AK5: variants seen among roughly 807,000 people sequenced by gnomAD.
AK5 encodes adenylate kinase 5, also known as adenylate kinase isoenzyme 5.
Under a neutral mutation model 69.5 loss-of-function variants are expected in AK5, and 27 were observed. That is an observed-to-expected ratio of 0.39 (90% CI 0.29 to 0.54). AK5 has a LOEUF of 0.54. AK5 is among the 20% of genes least tolerant of loss of function. AK5 has a pLI of 0.71. For missense variants in AK5, 531 were observed against 700.4 expected, an observed-to-expected ratio of 0.76 and a Z score of 2.73; for synonymous variants, 260 against 244.4, an observed-to-expected ratio of 1.06 and a Z score of -0.60.
At chr1:77,459,242 A>G (rs935673993) in intron 8 of AK5, among the ~76,000 whole-genome samples, 3 of 152,172 alleles carry the variant, frequency 2.0e-5, no homozygotes, top group Non-Finnish European at 4.4e-5. Context: ...ATGGCTTCTC[A>G]CTGCCCTTAA....
At chr1:77,298,906 A>T (rs186393913) in intron 5 of AK5, among the ~76,000 whole-genome samples, 3 of 152,178 alleles carry the variant, frequency 2.0e-5, no homozygotes, top group Non-Finnish European at 2.9e-5. Context: ...GTAAAACGTG[A>T]AAGTCCATCA....
chr1:77,325,947 A>G (rs917662804), intron 5 of AK5, among the ~76,000 whole-genome samples: 2 of 152,200 alleles, frequency 1.3e-5, no homozygotes, highest in Non-Finnish European at 2.9e-5. Context: ...ATATTAAACA[A>G]TTAATAAATG....
chr1:77,451,744 T>G (rs532870625), intron 8 of AK5, among the ~76,000 whole-genome samples: 124 of 152,348 alleles, frequency 8.1e-4, no homozygotes, highest in African/African-American at 2.9e-3. Context: ...AACCATGCTT[T>G]TGTATATTCT....
chr1:77,394,683 C>T (rs1235084787), intron 6 of AK5, among the ~76,000 whole-genome samples: 4 of 152,148 alleles, frequency 2.6e-5, no homozygotes, highest in Non-Finnish European at 5.9e-5. Flanking sequence ...ACAGTAATGT[C>T]ACTTTCTCAC....
chr1:77,521,335 T>C (rs1447377245), intron 11 of AK5, among the ~76,000 whole-genome samples: 2 of 152,164 alleles, frequency 1.3e-5, no homozygotes, highest in East Asian at 1.9e-4. Context: ...GGTTTCACCA[T>C]GGTGGCCAGG....
intron 8 of AK5, among the ~76,000 whole-genome samples, chr1:77,469,172 A>G (rs554440038): frequency 1.3e-3 from 196 of 152,320 alleles, no homozygotes; most frequent in African/African-American, 4.6e-3. Context: ...CCACTGATCT[A>G]GGCTGGGCTC....
At chr1:77,324,980 C>CTGTTTTTTTTT (rs775290829) in intron 5 of AK5, among the ~76,000 whole-genome samples, 34 of 139,200 alleles carry the variant, frequency 2.4e-4, no homozygotes, top group Admixed American at 9.6e-4. Context: ...TTACGAGCTA[C>CTGTTTTTTTTT]TTTTTTTTTT....
Position 77,400,933 on chromosome 1 carries a change from T to A in AK5, c.892-10048T>A, listed in dbSNP as rs1011130534. Among the ~76,000 whole-genome samples, 135 of 115,298 alleles carry A rather than the reference T, an allele frequency of 1.2e-3. 1 individual carries two copies. The highest frequency in any genetic ancestry group is 4.0e-3 in the African/African-American group (123 of 30,860). 75.6% of individuals were successfully genotyped at this position (115,298 alleles called of 152,430 possible). A position where few individuals can be genotyped will look rare whatever the true frequency, so the allele number is the denominator to read the frequency against. ...ATGATTTGTCCTTCTTTCATTCTGT[T>A]AAAAAAAAAAAAAAAAAAAAAAGTA... On this transcript the variant is annotated intron_variant, in intron 6 of 13. Transcript: ENST00000354567.
At chr1:77,404,914 ACAAT>A (rs1308636544) in intron 6 of AK5, among the ~76,000 whole-genome samples, 1 of 152,252 alleles carries the variant, frequency 6.6e-6, no homozygotes, top group Non-Finnish European at 1.5e-5. Flanking sequence ...CTTGAATTGG[ACAAT>A]CAGCCATTTT....
At position 77,537,592 on chromosome 1, in the gene AK5, C is replaced by T. The variant is rs562028735; in HGVS notation, c.1620+1554C>T. ...TTGTCCAGGAACAAAATCCTGAGTA[C>T]TCGAACTGGAGAAGGGAGAGTGGGA... On this transcript the variant is annotated intron_variant, in intron 13 of 13. Transcript: ENST00000354567. 8.5e-5 allele frequency among the ~76,000 whole-genome samples: 13 copies of T among 152,130 alleles called. No individual in the cohort carries two copies. The South Asian group carries it at 2.7e-3, about 32-fold the overall frequency.
At chr1:77,397,468 AG>A (rs1648907285) in intron 6 of AK5, among the ~76,000 whole-genome samples, 1 of 152,222 alleles carries the variant, frequency 6.6e-6, no homozygotes, top group African/African-American at 2.4e-5. Flanking sequence ...CTTCTCCAAC[AG>A]GGGGAAACAT....
chr1:77,293,367 C>T (rs1658796081), intron 2 of AK5, among the ~76,000 whole-genome samples: 1 of 152,128 alleles, frequency 6.6e-6, no homozygotes, highest in South Asian at 2.1e-4. Flanking sequence ...TACATAACTC[C>T]AGAGAGCACC....
chr1:77,430,396 G>A (rs551421603), intron 8 of AK5, among the ~76,000 whole-genome samples: 23 of 152,144 alleles, frequency 1.5e-4, no homozygotes, highest in Non-Finnish European at 3.1e-4. Flanking sequence ...GAGAAAAGAC[G>A]AGTTCTGTAA....
chr1:77,545,123 C>T (rs1453849582), intron 13 of AK5, among the ~76,000 whole-genome samples: 2 of 152,166 alleles, frequency 1.3e-5, no homozygotes, highest in Non-Finnish European at 2.9e-5. Context: ...TATACCCACA[C>T]GCCCGCAATT....
At chr1:77,375,440 C>A (rs998010930) in intron 6 of AK5, among the ~76,000 whole-genome samples, 1 of 152,082 alleles carries the variant, frequency 6.6e-6, no homozygotes, top group African/African-American at 2.4e-5. Flanking sequence ...CTAAAAGAAA[C>A]AATATCAAGT....
chr1:77,554,442 C>T (rs1052786981), intron 13 of AK5, among the ~76,000 whole-genome samples: 1 of 152,150 alleles, frequency 6.6e-6, no homozygotes. Flanking sequence ...AGTCCTAGTT[C>T]AGTCCCTTCA....
intron 13 of AK5, among the ~76,000 whole-genome samples, chr1:77,546,697 G>A (rs188308474): frequency 1.3e-5 from 2 of 152,298 alleles, no homozygotes; most frequent in Non-Finnish European, 2.9e-5. Flanking sequence ...GCGACAGTGT[G>A]AGACTCTGTC....
chr1:77,466,481 G>A (rs2803161), intron 8 of AK5, among the ~76,000 whole-genome samples: 149,565 of 152,324 alleles, frequency 0.98, 73,487 homozygotes, highest in Middle Eastern at 1. Flanking sequence ...ACAATACCTG[G>A]CAGATCAGGA....
chr1:77,368,215 CTATATATATATA>C (rs1172723260), intron 6 of AK5, among the ~76,000 whole-genome samples: 1 of 28,206 alleles, frequency 3.5e-5, no homozygotes, highest in African/African-American at 9.5e-5. Flanking sequence ...AGTAGAGATA[CTATATATATATA>C]TATATATATA....
Sources: allele counts gnomAD v4.1 joint callset (sites outside exome capture counted in the v4.1 genomes callset), GRCh38; gene constraint gnomAD v4.1.1; transcripts MANE v1.5; gene names NCBI Gene and HGNC (gene_info 2026-07-23, HGNC 2026-07-21).